IL1RAPL1: variants seen among roughly 807,000 people sequenced by gnomAD.
The protein encoded by IL1RAPL1 is interleukin-1 receptor accessory protein-like 1.
IL1RAPL1 carries 3 observed loss-of-function variants against 48.4 expected under a neutral mutation model. The ratio of observed to expected loss-of-function variants is 0.06; its 90% CI spans 0.03 to 0.16. The LOEUF (loss-of-function observed/expected upper bound fraction) is 0.16, where lower values mean the gene tolerates loss of function less well. Ranked by LOEUF, IL1RAPL1 falls within the 10% of genes least tolerant of loss-of-function variation. IL1RAPL1 has a pLI of 1.00. For synonymous variants in IL1RAPL1, 185 were observed against 187.7 expected (o/e 0.99, Z 0.12); for missense variants, 349 against 530.6 (o/e 0.66, Z 3.36).
At chrX:28,658,539 T>C (rs949706995) in intron 1 of IL1RAPL1, among the ~76,000 whole-genome samples, 1 of 110,148 alleles carries the variant, frequency 9.1e-6, no homozygotes, top group African/African-American at 3.3e-5. Flanking sequence ...TTTTTGTCTT[T>C]TTTTTTTTTT....
chrX:29,760,323 G>A (rs1027595807), intron 6 of IL1RAPL1, among the ~76,000 whole-genome samples: 6 of 111,348 alleles, frequency 5.4e-5, no homozygotes, highest in Admixed American at 9.6e-5. Flanking sequence ...GGACTCTGTC[G>A]ATGGCAATAT....
At chrX:29,561,091 C>T (rs1922180011) in intron 5 of IL1RAPL1, among the ~76,000 whole-genome samples, 1 of 112,207 alleles carries the variant, frequency 8.9e-6, no homozygotes, top group African/African-American at 3.2e-5. Flanking sequence ...CCCCACTCCT[C>T]TTGTTTCCTC....
chrX:29,725,969 C>T (rs749427917), intron 6 of IL1RAPL1, among the ~76,000 whole-genome samples: 3 of 112,094 alleles, frequency 2.7e-5, no homozygotes, highest in Non-Finnish European at 5.6e-5. Flanking sequence ...CCACTAAACA[C>T]ACACGCAGTA....
chrX:29,035,651 T>A (rs76523418), intron 2 of IL1RAPL1, among the ~76,000 whole-genome samples: 5 of 109,586 alleles, frequency 4.6e-5, no homozygotes, highest in African/African-American at 1.3e-4. Flanking sequence ...AAAAAAAAAA[T>A]GTTAATATAA....
chrX:29,108,992 T>G (rs1928505234), intron 2 of IL1RAPL1, among the ~76,000 whole-genome samples: 1 of 111,166 alleles, frequency 9.0e-6, no homozygotes, highest in Admixed American at 9.6e-5. Flanking sequence ...TTTTGCGTTT[T>G]GTAAATGCGT....
At chrX:29,127,047 G>T (rs1928913036) in intron 2 of IL1RAPL1, among the ~76,000 whole-genome samples, 1 of 111,396 alleles carries the variant, frequency 9.0e-6, no homozygotes, top group African/African-American at 3.3e-5. Flanking sequence ...ATAATACATG[G>T]ATAAACAATC....
intron 5 of IL1RAPL1, among the ~76,000 whole-genome samples, chrX:29,526,673 A>G (rs150273055): frequency 2.6e-4 from 29 of 112,327 alleles, no homozygotes; most frequent in African/African-American, 4.5e-4. Flanking sequence ...CACAAAATAA[A>G]CAGAAAAGAT....
chrX:29,537,412 C>A (rs1232980717), intron 5 of IL1RAPL1, among the ~76,000 whole-genome samples: 1 of 110,123 alleles, frequency 9.1e-6, no homozygotes, highest in East Asian at 2.8e-4. Context: ...ATAGAAATAT[C>A]TGGGTGATTT....
chrX:29,060,767 C>T (rs1335274242), intron 2 of IL1RAPL1, among the ~76,000 whole-genome samples: 1 of 111,631 alleles, frequency 9.0e-6, no homozygotes. Flanking sequence ...ATTTCAAATA[C>T]AAAGTTCTAT....
At chrX:28,976,438 T>C (rs1373140572) in intron 2 of IL1RAPL1, among the ~76,000 whole-genome samples, 1 of 111,955 alleles carries the variant, frequency 8.9e-6, no homozygotes, top group African/African-American at 3.2e-5. Flanking sequence ...CCAAGATTTT[T>C]GTTTTAAGCT....
chrX:29,705,245 T>G (rs1927161423), intron 6 of IL1RAPL1, among the ~76,000 whole-genome samples: 1 of 111,811 alleles, frequency 8.9e-6, no homozygotes, highest in African/African-American at 3.3e-5. Flanking sequence ...GACAGAGTCT[T>G]GCTGTGTCGC....
chrX:29,732,256 T>A (rs1399563496), intron 6 of IL1RAPL1, among the ~76,000 whole-genome samples: 3 of 111,796 alleles, frequency 2.7e-5, no homozygotes, highest in Non-Finnish European at 5.6e-5. Flanking sequence ...AGGATTTTGT[T>A]AATTCTCATT....
chrX:29,112,789 T>G (rs942415441), intron 2 of IL1RAPL1, among the ~76,000 whole-genome samples: 7 of 94,080 alleles, frequency 7.4e-5, no homozygotes, highest in African/African-American at 3.1e-4. Context: ...GCATGTCAAC[T>G]TTGGTTTTTT....
intron 1 of IL1RAPL1, among the ~76,000 whole-genome samples, chrX:28,786,718 C>G (rs1936479492): frequency 1.8e-5 from 2 of 111,635 alleles, no homozygotes; most frequent in African/African-American, 6.5e-5. Context: ...TATGTGAAGC[C>G]AAATGGTGAA....
intron 3 of IL1RAPL1, among the ~76,000 whole-genome samples, chrX:29,344,357 A>C (rs1049099385): frequency 8.9e-6 from 1 of 112,263 alleles, no homozygotes; most frequent in African/African-American, 3.2e-5. Flanking sequence ...CTATGGAATT[A>C]TATTTTAACA....
intron 6 of IL1RAPL1, among the ~76,000 whole-genome samples, chrX:29,854,300 G>A (rs1569186144): frequency 1.8e-5 from 2 of 111,602 alleles, no homozygotes; most frequent in Non-Finnish European, 3.8e-5. Flanking sequence ...ATATATACTG[G>A]TACCTAAACA....
chrX:29,581,227 A>T (rs1432844907), intron 5 of IL1RAPL1, among the ~76,000 whole-genome samples: 1 of 112,864 alleles, frequency 8.9e-6, no homozygotes, highest in Non-Finnish European at 1.9e-5. Flanking sequence ...GTGTCGACTT[A>T]AAAGCAAATT....
At chrX:29,739,684 G>A (rs1413961419) in intron 6 of IL1RAPL1, among the ~76,000 whole-genome samples, 1 of 111,475 alleles carries the variant, frequency 9.0e-6, no homozygotes, top group African/African-American at 3.3e-5. Context: ...TTAAATCCTA[G>A]GATTAAGAAG....
chrX:29,318,142 A>G (rs1932776563), intron 3 of IL1RAPL1, among the ~76,000 whole-genome samples: 1 of 112,248 alleles, frequency 8.9e-6, no homozygotes, highest in Admixed American at 9.5e-5. Context: ...TAGTTTGTGT[A>G]GGTACAGCAT....
Sources: allele counts gnomAD v4.1 joint callset (sites outside exome capture counted in the v4.1 genomes callset), GRCh38; gene constraint gnomAD v4.1.1; transcripts MANE v1.5; gene names NCBI Gene and HGNC (gene_info 2026-07-23, HGNC 2026-07-21).